UGT2B15: variants seen among roughly 807,000 people sequenced by gnomAD.
UGT2B15 encodes UDP-glucuronosyltransferase 2B15.
UGT2B15 carries 36 observed loss-of-function variants against 45.9 expected under a neutral mutation model. The ratio of observed to expected loss-of-function variants is 0.78; its 90% CI spans 0.60 to 1.04. The LOEUF is 1.04. Among genes scored for constraint, UGT2B15 ranks in the 50% least tolerant of loss-of-function variants. The pLI, the probability that UGT2B15 is intolerant of heterozygous loss-of-function variation, is 0.00. For synonymous variants in UGT2B15, 219 were observed against 216.4 expected, an observed-to-expected ratio of 1.01 and a Z score of -0.11; for missense variants, 617 against 622.4, an observed-to-expected ratio of 0.99 and a Z score of 0.09.
chr4:68,667,036 C>T (rs12651097), intron 2 of UGT2B15, among the ~76,000 whole-genome samples: 13,558 of 152,000 alleles, frequency 0.089, 802 homozygotes, highest in East Asian at 0.27. Flanking sequence ...TGTAAGCCAC[C>T]ACGCCCGGCC....
At chr4:68,649,629 C>G (rs1732592695) in intron 5 of UGT2B15, among the ~76,000 whole-genome samples, 1 of 151,600 alleles carries the variant, frequency 6.6e-6, no homozygotes, top group Non-Finnish European at 1.5e-5. Flanking sequence ...ACACACACAA[C>G]CAGAGATATA....
chr4:68,665,223 T>C (rs1399524031), intron 2 of UGT2B15, among the ~76,000 whole-genome samples: 1 of 152,190 alleles, frequency 6.6e-6, no homozygotes, highest in African/African-American at 2.4e-5. Context: ...TTTAATTCTA[T>C]TTATATAACT....
At chr4:68,655,048 A>C (rs760517768) in intron 4 of UGT2B15, 47 bp downstream of exon 4, 1 of 1,584,744 alleles carries the variant, frequency 6.3e-7, no homozygotes, top group East Asian at 2.2e-5. Flanking sequence ...TTATCACTCC[A>C]ATTTGCTGTT....
Position 68,670,145 on chromosome 4 carries a change from A to T in UGT2B15, c.474T>A (p.Gly158=). The T allele has an allele frequency of 6.2e-7, 1 of 1,614,104 alleles. No individual in the cohort carries two copies. The highest frequency in any genetic ancestry group is 8.5e-7 in the Non-Finnish European group (1 of 1,179,988). Residue 158 remains glycine, a synonymous_variant, in exon 1 of 6, where the codon GGT becomes GGA. Coordinates refer to ENST00000338206, the MANE Select transcript of UGT2B15 (RefSeq NM_001076.4). The part of the protein sequence containing the change: ...VILADALNPC[G]ELLAELFNIP... ...TGTTAAATAGTTCAGCCAGTAGCTC[A>T]CCACAGGGATTAAGGGCATCTGCCA... is the stretch of plus-strand genomic sequence containing the variant.
At position 68,656,291 on chromosome 4, in the gene UGT2B15, G is replaced by A. The variant is rs761953177; in HGVS notation, c.1006-1109C>T. Among the ~76,000 whole-genome samples the A allele has an allele frequency of 3.2e-4, 48 of 151,898 alleles. 1 individual carries two copies. The highest frequency in any genetic ancestry group is 8.3e-4 in the South Asian group (4 of 4,828). On this transcript the variant is annotated intron_variant, in intron 3 of 5. Transcript: ENST00000338206. ...GTTTTGGCCTGAAACCCATCCGTAG[G>A]TAAACAGCTGAATTGCGGTTTTGTC...
rs1018019307 is a variant in UGT2B15, at chr4:68,664,278, A to AT, written c.874-1140_874-1139insA. Among the ~76,000 whole-genome samples, 417 of 149,588 alleles carry AT rather than the reference A, an allele frequency of 2.8e-3. 3 individuals carry two copies. The highest frequency in any genetic ancestry group is 9.8e-3 in the African/African-American group (404 of 41,236). Reference sequence around the variant, plus strand: ...TGTATTCTCACACCAAAAAAAAAAAAAGAGAGAGAGAAAGAGGAAAAGAAA... The same window carrying AT: ...TGTATTCTCACACCAAAAAAAAAAAATAGAGAGAGAGAAAGAGGAAAAGAAA... On this transcript the variant is annotated intron_variant, in intron 2 of 5. Transcript: ENST00000338206.
rs761679257 is a variant in UGT2B15 at position 68,670,074 on chromosome 4, T to C, written c.545A>G (p.Glu182Gly). The change falls in exon 1 of 6, where the codon GAG becomes GGG. Residue 182 changes from glutamate to glycine, a missense_variant. This residue lies in a region of UGT2B15 where 351 missense variants were observed against 342.1 expected (regional missense o/e 1.03). Transcript: ENST00000338206. ...SLRFSVGYTF[E>G]KNGGGFLFPP... ...GAACAGAAATCCTCCACCATTCTTC[T>C]CAAATGTGTAGCCAACAGAGAATCG... 2 of 1,614,104 alleles carry C rather than the reference T, an allele frequency of 1.2e-6. No individual in the cohort carries two copies. The highest frequency in any genetic ancestry group is 2.2e-5 in the South Asian group (2 of 91,084).
chr4:68,651,888 G>T (rs1366816951), intron 5 of UGT2B15, among the ~76,000 whole-genome samples: 1 of 151,948 alleles, frequency 6.6e-6, no homozygotes, highest in Non-Finnish European at 1.5e-5. Flanking sequence ...ATTTAAAGTA[G>T]TTTTTTTCTA....
intron 2 of UGT2B15, among the ~76,000 whole-genome samples, chr4:68,665,896 G>C (rs1028199869): frequency 6.6e-6 from 1 of 151,968 alleles, no homozygotes; most frequent in African/African-American, 2.4e-5. Flanking sequence ...AAAACACAAA[G>C]ATTAGTCAGA....
chr4:68,664,140 C>T (rs1733048588), intron 2 of UGT2B15, among the ~76,000 whole-genome samples: 1 of 151,948 alleles, frequency 6.6e-6, no homozygotes, highest in South Asian at 2.1e-4. Context: ...CTATATGAAG[C>T]TCCTGGTGAA....
Position 68,647,202 on chromosome 4 carries a change from G to A in UGT2B15, c.1495C>T (p.Leu499=). Residue 499 remains leucine (L), a synonymous_variant, in exon 6 of 6, where the codon CTG becomes TTG. Transcript: ENST00000338206. The part of the protein sequence containing the change: ...YHSLDVIAFL[L]ACVATVIFII... ...AATATCACAGTTGCCACGCAGGCCA[G>A]CAGGAATGCTATCACATCCAAAGAG... 2 of 1,613,934 alleles carry A rather than the reference G, an allele frequency of 1.2e-6. No homozygotes were observed. Among genetic ancestry groups the A allele is most frequent in the African/African-American group, 2.7e-5 (2 of 74,970 alleles).
intron 1 of UGT2B15, among the ~76,000 whole-genome samples, chr4:68,669,378 G>A (rs1259661793): frequency 6.6e-6 from 1 of 152,042 alleles, no homozygotes; most frequent in East Asian, 1.9e-4. Context: ...CAAGTTTTAG[G>A]CTTCTGTTTC....
chr4:68,655,056 G>A (rs1732763654), intron 4 of UGT2B15, 39 bp downstream of exon 4: 1 of 1,595,510 alleles, frequency 6.3e-7, no homozygotes, highest in Non-Finnish European at 8.6e-7. Context: ...CCAATTTGCT[G>A]TTACTAATAT....
intron 5 of UGT2B15, among the ~76,000 whole-genome samples, chr4:68,649,811 C>G (rs1412054518): frequency 6.6e-6 from 1 of 151,330 alleles, no homozygotes; most frequent in Non-Finnish European, 1.5e-5. Flanking sequence ...AATGTGAGTA[C>G]TGGTAGGTTC....
In UGT2B15 at chr4:68,662,505, C is replaced by T. The variant is rs146404293; in HGVS notation, c.1005+503G>A. ...ACCCTGAACAGAACACTAAATAGAC[C>T]TATTCCAATACATGGGAAGTAAAAA... On this transcript the variant is annotated intron_variant, in intron 3 of 5. Coordinates refer to ENST00000338206, the MANE Select transcript of UGT2B15 (RefSeq NM_001076.4). 9.4e-3 allele frequency among the ~76,000 whole-genome samples: 1,368 copies of T among 144,940 alleles called. 41 individuals are homozygous for T. The highest frequency in any genetic ancestry group is 0.034 in the African/African-American group (1,306 of 38,326).
At chr4:68,660,321 C>G (rs1476275748) in intron 3 of UGT2B15, among the ~76,000 whole-genome samples, 1 of 150,922 alleles carries the variant, frequency 6.6e-6, no homozygotes, top group Non-Finnish European at 1.5e-5. Flanking sequence ...ATGTAACTTT[C>G]TGACAGGCCC....
intron 5 of UGT2B15, among the ~76,000 whole-genome samples, chr4:68,647,632 G>A (rs1732521430): frequency 6.6e-6 from 1 of 151,934 alleles, no homozygotes; most frequent in Admixed American, 6.6e-5. Context: ...AATGTTTTCT[G>A]GAGCAGAAAA....
In UGT2B15 at chr4:68,668,127, A is replaced by G. The variant is rs1733195573; in HGVS notation, c.786T>C (p.Tyr262=). The G allele has an allele frequency of 2.2e-5, 36 of 1,613,778 alleles. No homozygotes were observed. The highest frequency in any genetic ancestry group is 2.9e-5 in the Non-Finnish European group (34 of 1,179,894). Residue 262 remains tyrosine (Y), a synonymous_variant, in exon 2 of 6, where the codon TAT becomes TAC. Coordinates refer to ENST00000338206, the MANE Select transcript of UGT2B15 (RefSeq NM_001076.4). ...ATGGGCGAGGAAATTCAAAATCCCA[A>G]TAGGTTCGAATGAGCCACATTTCAG... ...GKAEMWLIRT[Y]WDFEFPRPFL...
intron 3 of UGT2B15, among the ~76,000 whole-genome samples, chr4:68,660,399 G>A (rs1732929618): frequency 6.6e-6 from 1 of 151,898 alleles, no homozygotes; most frequent in Admixed American, 6.6e-5. Context: ...GTATTTGATG[G>A]TAGAAATCTA....
Sources: allele counts gnomAD v4.1 joint callset (sites outside exome capture counted in the v4.1 genomes callset), GRCh38; gene constraint gnomAD v4.1.1; regional missense constraint gnomAD v4.1.1; transcripts MANE v1.5; gene names NCBI Gene and HGNC (gene_info 2026-07-23, HGNC 2026-07-21).